Variants in LRRC49 observed in about 807,000 individuals in gnomAD.
The protein encoded by LRRC49 is leucine-rich repeat-containing protein 49.
Under a neutral mutation model 83.3 loss-of-function variants are expected in LRRC49, and 50 were observed. The observed-to-expected ratio is 0.60, with a 90% confidence interval of 0.48 to 0.76. The LOEUF (loss-of-function observed/expected upper bound fraction) is 0.76, where lower values mean the gene tolerates loss of function less well. Among genes scored for constraint, LRRC49 ranks in the 30% least tolerant of loss-of-function variants. LRRC49 has a pLI of 0.00. For missense variants in LRRC49, 704 were observed against 809.1 expected (o/e 0.87, Z 1.58); for synonymous variants, 286 against 283.3 (o/e 1.01, Z -0.10).
intron 9 of LRRC49, among the ~76,000 whole-genome samples, chr15:70,978,197 C>G (rs1202423501): frequency 6.6e-6 from 1 of 151,602 alleles, no homozygotes; most frequent in African/African-American, 2.4e-5. Context: ...AACAGCTTCT[C>G]TAACTTCAGT....
intron 8 of LRRC49, among the ~76,000 whole-genome samples, chr15:70,943,183 T>G (rs2035884709): frequency 6.6e-6 from 1 of 152,156 alleles, no homozygotes; most frequent in Admixed American, 6.5e-5. Flanking sequence ...TTTAGTTTTT[T>G]TTTTAAGGAA....
chr15:70,965,600 TA>T (rs1361674393), intron 9 of LRRC49, among the ~76,000 whole-genome samples: 1 of 152,092 alleles, frequency 6.6e-6, no homozygotes, highest in African/African-American at 2.4e-5. Context: ...TCCTCATGAT[TA>T]ATTTTTACTT....
rs72757998 is a variant in LRRC49 at position 71,051,833 on chromosome 15, G to A, written c.*2221G>A. The stretch of plus-strand genomic sequence containing the variant: ...GCTGGCTCTATGCAGACCTGCTTCA[G>A]GCCTGGTAATAGGGTCTCTCTCTTG... On this transcript the variant is annotated 3_prime_UTR_variant, in exon 16 of 16. Transcript: ENST00000260382. 1 of 152,338 alleles carries A rather than the reference G, an allele frequency of 6.6e-6. No homozygotes were observed. The highest frequency in any genetic ancestry group is 1.5e-5 in the Non-Finnish European group (1 of 68,098). The allele number at this position is 152,338 out of a possible 1,614,324, so 9.4% of individuals were successfully genotyped here.
At chr15:70,957,604 C>T (rs529978855) in intron 8 of LRRC49, among the ~76,000 whole-genome samples, 6 of 152,048 alleles carry the variant, frequency 3.9e-5, no homozygotes, top group Non-Finnish European at 2.9e-5. Flanking sequence ...GGTGTTGGGG[C>T]AGTGGTCACA....
Position 70,859,665 on chromosome 15 carries a change from A to G in LRRC49, c.-299+6196A>G, listed in dbSNP as rs1249359727. ...ATGAACTGGAACATCAGCCGGCTCC[A>G]GGCTGAGATTAAGGGCCTCAAAGGC... is the stretch of plus-strand genomic sequence containing the variant. On this transcript the variant is annotated intron_variant, in intron 1 of 16. Coordinates refer to the LRRC49 transcript ENST00000544974. The G allele has an allele frequency of 6.1e-6, 4 of 652,750 alleles. No homozygotes were observed. In the East Asian group the frequency reaches 1.4e-4, roughly 23 times the overall value. 40.4% of individuals were successfully genotyped at this position (652,750 alleles called of 1,614,324 possible). A position where few individuals can be genotyped will look rare whatever the true frequency, so the allele number is the denominator to read the frequency against.
chr15:70,871,251 A>C (rs1001493194), intron 1 of LRRC49, among the ~76,000 whole-genome samples: 2 of 152,112 alleles, frequency 1.3e-5, no homozygotes, highest in Admixed American at 1.3e-4. Context: ...CACATGTTTC[A>C]GAGAGCACGG....
At chr15:70,990,046 G>T (rs1435644504) in intron 11 of LRRC49, among the ~76,000 whole-genome samples, 1 of 152,152 alleles carries the variant, frequency 6.6e-6, no homozygotes, top group Non-Finnish European at 1.5e-5. Context: ...CCCCTACTGG[G>T]GGGTGCCTCC....
chr15:70,900,733 A>G (rs1277023089), intron 3 of LRRC49, among the ~76,000 whole-genome samples, 189 bp from the exon 4 acceptor site: 3 of 152,222 alleles, frequency 2.0e-5, no homozygotes, highest in Non-Finnish European at 4.4e-5. Flanking sequence ...CATGGAACAC[A>G]TAGTTTAGGT....
chr15:70,935,297 T>G (rs2035556985), intron 7 of LRRC49, among the ~76,000 whole-genome samples: 1 of 152,164 alleles, frequency 6.6e-6, no homozygotes, highest in Non-Finnish European at 1.5e-5. Context: ...TTACACTGTT[T>G]AGGGTCTAAA....
At chr15:71,004,608 C>T (rs2038387626) in intron 11 of LRRC49, among the ~76,000 whole-genome samples, 1 of 150,570 alleles carries the variant, frequency 6.6e-6, no homozygotes, top group South Asian at 2.1e-4. Context: ...TGAGATTGTG[C>T]CACTGCACTC....
chr15:70,907,888 T>C, intron 5 of LRRC49: 1 of 434,228 alleles, frequency 2.3e-6, no homozygotes, highest in Non-Finnish European at 4.7e-6. Flanking sequence ...TTGGGGGCAC[T>C]GGCTAGGATT....
chr15:71,028,914 T>G (rs1692739231), intron 14 of LRRC49, among the ~76,000 whole-genome samples: 1 of 152,186 alleles, frequency 6.6e-6, no homozygotes, highest in Non-Finnish European at 1.5e-5. Context: ...TTCACTGATT[T>G]TTTTGAAGGG....
intron 11 of LRRC49, among the ~76,000 whole-genome samples, chr15:70,998,400 G>A (rs2038145734): frequency 6.6e-6 from 1 of 151,972 alleles, no homozygotes; most frequent in Admixed American, 6.6e-5. Context: ...TTGTTTATCA[G>A]GGAATGTCTT....
chr15:70,944,089 G>T (rs1038197805), intron 8 of LRRC49, among the ~76,000 whole-genome samples: 3 of 151,992 alleles, frequency 2.0e-5, no homozygotes, highest in Non-Finnish European at 4.4e-5. Context: ...TTTTCCCATG[G>T]TGCTGTGATA....
intron 15 of LRRC49, among the ~76,000 whole-genome samples, 197 bp from the exon 16 acceptor site, chr15:71,049,212 G>A (rs1467197676): frequency 6.6e-6 from 1 of 152,076 alleles, no homozygotes; most frequent in Non-Finnish European, 1.5e-5. Flanking sequence ...GAGAAGTACT[G>A]AGACCCTTGT....
At chr15:70,894,606 T>A in intron 2 of LRRC49, 1 of 1,286,884 alleles carries the variant, frequency 7.8e-7, no homozygotes, top group Non-Finnish European at 1.0e-6. Context: ...ACACTATGTC[T>A]CAAGACACAA....
At chr15:71,040,012 C>T (rs2141302617) in intron 15 of LRRC49, among the ~76,000 whole-genome samples, 1 of 152,172 alleles carries the variant, frequency 6.6e-6, no homozygotes, top group East Asian at 1.9e-4. Flanking sequence ...GGTGCAAACC[C>T]CTTTTAAAAA....
intron 2 of LRRC49, among the ~76,000 whole-genome samples, chr15:70,880,961 T>C (rs979376419): frequency 1.3e-5 from 2 of 152,330 alleles, no homozygotes; most frequent in East Asian, 3.9e-4. Context: ...CAGTGACTCA[T>C]GCCTGTAATC....
At chr15:70,924,916 A>G (rs950437663) in intron 7 of LRRC49, among the ~76,000 whole-genome samples, 2 of 151,990 alleles carry the variant, frequency 1.3e-5, no homozygotes, top group African/African-American at 2.4e-5. Flanking sequence ...TAAAATGTCT[A>G]CTATCATTTG....
Sources: allele counts gnomAD v4.1 joint callset (sites outside exome capture counted in the v4.1 genomes callset), GRCh38; gene constraint gnomAD v4.1.1; transcripts MANE v1.5; gene names NCBI Gene and HGNC (gene_info 2026-07-23, HGNC 2026-07-21).